DNAJC11: variants seen among roughly 807,000 people sequenced by gnomAD.
DNAJC11 encodes the protein DnaJ heat shock protein family (Hsp40) member C11.
DNAJC11 carries 15 observed loss-of-function variants against 78.6 expected under a neutral mutation model. That is an observed-to-expected ratio of 0.19 (90% CI 0.13 to 0.29). The LOEUF is 0.29. Ranked by LOEUF, DNAJC11 falls within the 10% of genes least tolerant of loss-of-function variation. The pLI, the probability that DNAJC11 is intolerant of heterozygous loss-of-function variation, is 1.00. For synonymous variants in DNAJC11, 292 were observed against 272.1 expected, an observed-to-expected ratio of 1.07 and a Z score of -0.72; for missense variants, 547 against 709.6, an observed-to-expected ratio of 0.77 and a Z score of 2.60.
intron 2 of DNAJC11, among the ~76,000 whole-genome samples, chr1:6,678,682 C>A (rs1398217805): frequency 6.6e-6 from 1 of 152,100 alleles, no homozygotes; most frequent in Non-Finnish European, 1.5e-5. Flanking sequence ...TGACAGGGTC[C>A]TTCTCTGTTG....
intron 10 of DNAJC11, 139 bp from the exon 11 acceptor site, chr1:6,640,196 T>C: frequency 9.2e-7 from 1 of 1,085,838 alleles, no homozygotes; most frequent in Non-Finnish European, 1.3e-6. Context: ...AGTCTGCTCC[T>C]TTCACAGTCC....
chr1:6,636,738 T>A (rs1388133485), intron 14 of DNAJC11, among the ~76,000 whole-genome samples: 1 of 152,158 alleles, frequency 6.6e-6, no homozygotes, highest in African/African-American at 2.4e-5. Flanking sequence ...CCAACGTGGG[T>A]ACTACTCAGG....
chr1:6,649,418 C>T (rs1037887625), intron 7 of DNAJC11, among the ~76,000 whole-genome samples: 12 of 152,114 alleles, frequency 7.9e-5, no homozygotes, highest in African/African-American at 2.9e-4. Context: ...ATCCACCCGC[C>T]TCGGCCTCCT....
intron 4 of DNAJC11, among the ~76,000 whole-genome samples, chr1:6,660,112 C>T (rs1157592343): frequency 1.3e-5 from 2 of 150,608 alleles, no homozygotes; most frequent in East Asian, 3.9e-4. Context: ...TCCCCACTTC[C>T]TTCGCTTTAT....
chr1:6,664,277 T>C (rs1351544523), intron 4 of DNAJC11, among the ~76,000 whole-genome samples: 1 of 151,378 alleles, frequency 6.6e-6, no homozygotes, highest in East Asian at 1.9e-4. Context: ...TCTCACTCTG[T>C]GGCCCAGGCT....
intron 1 of DNAJC11, among the ~76,000 whole-genome samples, chr1:6,697,237 A>G (rs1642851601): frequency 6.6e-6 from 1 of 152,230 alleles, no homozygotes; most frequent in African/African-American, 2.4e-5. Flanking sequence ...TAGAAGGAGA[A>G]TCATTAAAGA....
At chr1:6,671,438 G>A (rs1350851075) in intron 3 of DNAJC11, among the ~76,000 whole-genome samples, 1 of 149,022 alleles carries the variant, frequency 6.7e-6, no homozygotes, top group Non-Finnish European at 1.5e-5. Flanking sequence ...GGGTTTCACC[G>A]TATTAGCCAG....
intron 4 of DNAJC11, among the ~76,000 whole-genome samples, chr1:6,661,351 T>C (rs1406734431): frequency 6.6e-6 from 1 of 152,180 alleles, no homozygotes; most frequent in Non-Finnish European, 1.5e-5. Context: ...CAAATGGAAG[T>C]CAGAGCCTGT....
chr1:6,644,465 A>G lies in DNAJC11; in HGVS notation c.1097+93T>C, dbSNP rs183004201. The stretch of plus-strand genomic sequence containing the variant: ...CTGTGTCTTTAAGAACAAAATTACA[A>G]TGCAAAGGCTATTTCAGCCTTAACT... On this transcript the variant is annotated intron_variant, in intron 10 of 15. Transcript: ENST00000377577. 4.5e-4 allele frequency: 431 copies of G among 955,302 alleles called. No individual in the cohort carries two copies. In the African/African-American group the frequency reaches 6.1e-3, roughly 14 times the overall value. The allele number at this position is 955,302 out of a possible 1,614,324, so 59.2% of individuals were successfully genotyped here.
chr1:6,635,998 C>A, intron 15 of DNAJC11, 119 bp downstream of exon 15: 1 of 1,403,264 alleles, frequency 7.1e-7, no homozygotes, highest in South Asian at 1.5e-5. Flanking sequence ...TAGTTGGCGT[C>A]TCTGCTCCCA....
chr1:6,673,504 T>C (rs950770270), intron 3 of DNAJC11, among the ~76,000 whole-genome samples: 1 of 152,198 alleles, frequency 6.6e-6, no homozygotes, highest in African/African-American at 2.4e-5. Flanking sequence ...TTCTAGCTAG[T>C]AAACTTTTTC....
Position 6,651,548 on chromosome 1 carries a change from G to A in DNAJC11, c.685C>T (p.Arg229Cys), listed in dbSNP as rs746883474. The A allele has an allele frequency of 6.8e-6, 11 of 1,613,946 alleles. No homozygotes were observed. Among genetic ancestry groups the A allele is most frequent in the African/African-American group, 1.3e-5 (1 of 74,918 alleles). Residue 229 changes from arginine (R) to cysteine (C), a missense_variant, in exon 7 of 16, where the codon CGT becomes TGT. Coordinates refer to ENST00000377577, the MANE Select transcript of DNAJC11 (RefSeq NM_018198.4). ...ATTTACCATCTTGGTGTGAGATTAC[G>A]GAACAGCTTGAGACCGAACAAAGGC... ...QGPLFGLKLF[R>C]NLTPRCFVTT... is the part of the protein sequence containing the mutation.
chr1:6,649,420 C>T (rs1642020495), intron 7 of DNAJC11, among the ~76,000 whole-genome samples: 5 of 152,072 alleles, frequency 3.3e-5, no homozygotes, highest in South Asian at 4.1e-4. Flanking sequence ...CCACCCGCCT[C>T]GGCCTCCTAA....
At chr1:6,687,489 T>C (rs1450526909) in intron 1 of DNAJC11, among the ~76,000 whole-genome samples, 2 of 151,952 alleles carry the variant, frequency 1.3e-5, no homozygotes, top group African/African-American at 4.8e-5. Flanking sequence ...CTTGAGTAGT[T>C]GGGACTACAG....
At chr1:6,640,189 C>G in intron 10 of DNAJC11, 132 bp from the exon 11 acceptor site, 1 of 1,138,026 alleles carries the variant, frequency 8.8e-7, no homozygotes, top group Non-Finnish European at 1.2e-6. Context: ...AGCCTGCAGT[C>G]TGCTCCTTTC....
intron 3 of DNAJC11, among the ~76,000 whole-genome samples, chr1:6,669,186 TAA>T (rs56147877): frequency 1.1e-3 from 147 of 135,382 alleles, no homozygotes; most frequent in African/African-American, 3.7e-3. Context: ...GACTCTCTCT[TAA>T]AAAAAAAAAG....
Position 6,635,685 on chromosome 1 carries a change from G to A in DNAJC11, c.1670C>T (p.Thr557Ile). Residue 557 changes from threonine to isoleucine, a missense_variant, in exon 16 of 16, where the codon ACA becomes ATA. By Grantham distance (89) the Thr-to-Ile change is moderately conservative. Coordinates refer to ENST00000377577, the MANE Select transcript of DNAJC11 (RefSeq NM_018198.4). ...RIPKQSHRID[T>I]DG ...CTGGTTCTTGGCAGTTTATCCATCT[G>A]TATCGATCCTGTGGGCTGTAAAGGA... 7 of 1,614,128 alleles carry A rather than the reference G, an allele frequency of 4.3e-6. No individual in the cohort carries two copies. Among genetic ancestry groups the A allele is most frequent in the South Asian group, 2.2e-5 (2 of 91,084 alleles).
Position 6,701,720 on chromosome 1 carries a change from T to C in DNAJC11, c.72+9A>G. The C allele has an allele frequency of 6.5e-7, 1 of 1,547,750 alleles. No homozygotes were observed. ...CTCAGCCCCCAGAGCGTCCAGCCGCTGGCCTCACCTCCCTGCGCACGTTCA... is the reference window on the plus strand; with the variant it reads ...CTCAGCCCCCAGAGCGTCCAGCCGCCGGCCTCACCTCCCTGCGCACGTTCA... On this transcript the variant is annotated intron_variant, in intron 1 of 15. Coordinates refer to ENST00000377577, the MANE Select transcript of DNAJC11 (RefSeq NM_018198.4).
chr1:6,677,066 C>A lies in DNAJC11; in HGVS notation c.276+1328G>T, dbSNP rs147187845. 4.2e-3 allele frequency among the ~76,000 whole-genome samples: 632 copies of A among 149,032 alleles called. 8 individuals carry two copies. The highest frequency in any genetic ancestry group is 0.014 in the African/African-American group (550 of 40,552). On this transcript the variant is annotated intron_variant, in intron 3 of 15. Coordinates refer to ENST00000377577, the MANE Select transcript of DNAJC11 (RefSeq NM_018198.4). ...CGCATGCCTTGTAATCCCAGCTACT[C>A]AGGAAGGCTGAGGCAGGAGAATCAC... is the stretch of plus-strand genomic sequence containing the variant.
Sources: gnomAD v4.1 joint callset for allele counts (sites outside exome capture counted in the v4.1 genomes callset) on GRCh38, gnomAD v4.1.1 for gene constraint, MANE v1.5 for transcripts, NCBI Gene and HGNC (gene_info 2026-07-23, HGNC 2026-07-21) for gene names.